F13A1: variants seen among roughly 807,000 people sequenced by gnomAD.
The protein encoded by F13A1 is coagulation factor XIII A chain.
A neutral mutation model predicts 80.1 loss-of-function variants in F13A1; 47 were observed. The ratio of observed to expected loss-of-function variants is 0.59; its 90% CI spans 0.46 to 0.75. The LOEUF (loss-of-function observed/expected upper bound fraction) is 0.75, where lower values mean the gene tolerates loss of function less well. Among genes scored for constraint, F13A1 ranks in the 30% least tolerant of loss-of-function variants. The probability of loss-of-function intolerance (pLI) is 0.00; values close to 1 mark genes in which losing one functional copy is unlikely to be tolerated. For missense variants in F13A1, 817 were observed against 930.4 expected, an observed-to-expected ratio of 0.88 and a Z score of 1.59; for synonymous variants, 349 against 344.9, an observed-to-expected ratio of 1.01 and a Z score of -0.13.
chr6:6,250,289 T>A lies in F13A1; in HGVS notation c.690+522A>T, dbSNP rs1411124340. Among the ~76,000 whole-genome samples the A allele has an allele frequency of 6.6e-6, 1 of 152,196 alleles. No homozygotes were observed. Among genetic ancestry groups the A allele is most frequent in the Non-Finnish European group, 1.5e-5 (1 of 68,040 alleles). ...AACATCTTAAAGAAATGCCATTTGC[T>A]ACTTTGTGTCTAGACAATCAACTTG... On this transcript the variant is annotated intron_variant, in intron 5 of 14. Transcript: ENST00000264870. The surrounding 1 kb of genome is among the most constrained non-coding windows in gnomAD (Gnocchi z 4.2).
intron 3 of F13A1, among the ~76,000 whole-genome samples, chr6:6,273,063 C>T (rs1757943130): frequency 6.6e-6 from 1 of 152,162 alleles, no homozygotes; most frequent in South Asian, 2.1e-4. Flanking sequence ...TCTCACTGCT[C>T]TCTGTGACTC....
chr6:6,169,625 G>A (rs1760737325), intron 12 of F13A1, among the ~76,000 whole-genome samples: 1 of 152,144 alleles, frequency 6.6e-6, no homozygotes, highest in Non-Finnish European at 1.5e-5. Flanking sequence ...ATCCCCAGGG[G>A]ACATTTGGCA....
intron 2 of F13A1, among the ~76,000 whole-genome samples, chr6:6,307,118 T>C (rs1258797198): frequency 6.6e-6 from 1 of 151,844 alleles, no homozygotes; most frequent in Non-Finnish European, 1.5e-5. Context: ...GAAGGCTCAA[T>C]GAGATAACGG....
intron 8 of F13A1, among the ~76,000 whole-genome samples, chr6:6,215,793 C>T (rs9504715): frequency 0.082 from 8,899 of 108,422 alleles, 651 homozygotes; most frequent in East Asian, 0.4. Flanking sequence ...ACTGTCTCAG[C>T]CCAAAAGCTC....
intron 3 of F13A1, among the ~76,000 whole-genome samples, chr6:6,292,254 A>AT (rs1315096337): frequency 6.6e-6 from 1 of 151,976 alleles, no homozygotes; most frequent in African/African-American, 2.4e-5. Context: ...TCCACACTCG[A>AT]TTTTTTCCCT....
chr6:6,206,424 G>T, intron 8 of F13A1: 1 of 467,496 alleles, frequency 2.1e-6, no homozygotes, highest in Non-Finnish European at 4.4e-6. Context: ...TTTCTATGTG[G>T]TTTATTAAAT....
At chr6:6,316,960 G>A (rs546745385) in intron 2 of F13A1, among the ~76,000 whole-genome samples, 2 of 152,280 alleles carry the variant, frequency 1.3e-5, no homozygotes, top group African/African-American at 4.8e-5. Context: ...CCTTTGTAGA[G>A]GTTCCCGTTT....
At chr6:6,211,879 T>A (rs1220181571) in intron 8 of F13A1, among the ~76,000 whole-genome samples, 2 of 152,022 alleles carry the variant, frequency 1.3e-5, no homozygotes, top group African/African-American at 4.8e-5. Flanking sequence ...GCGCAAGGGG[T>A]CAGGGAGTTC....
chr6:6,214,564 A>T (rs1290862320), intron 8 of F13A1, among the ~76,000 whole-genome samples: 1 of 102,868 alleles, frequency 9.7e-6, no homozygotes, highest in East Asian at 2.2e-4. Context: ...CTAAATGCCC[A>T]CAAGAGAAAG....
chr6:6,248,251 C>G, intron 6 of F13A1, 61 bp downstream of exon 6: 1 of 1,296,440 alleles, frequency 7.7e-7, no homozygotes, highest in South Asian at 1.2e-5. Context: ...AATGAACTGG[C>G]ATATATACTG....
At chr6:6,154,814 AT>A (rs1434389497) in intron 13 of F13A1, among the ~76,000 whole-genome samples, 17 of 152,410 alleles carry the variant, frequency 1.1e-4, no homozygotes, top group African/African-American at 4.1e-4. Context: ...AAAATACAAA[AT>A]AAAGATAGCA....
intron 13 of F13A1, among the ~76,000 whole-genome samples, chr6:6,153,124 A>G (rs1760407425): frequency 6.6e-6 from 1 of 152,240 alleles, no homozygotes; most frequent in Admixed American, 6.5e-5. Flanking sequence ...GTAAATATTT[A>G]TTAAATTAAG....
chr6:6,251,199 T>C (rs1304129672), intron 4 of F13A1, among the ~76,000 whole-genome samples: 1 of 152,244 alleles, frequency 6.6e-6, no homozygotes, highest in Non-Finnish European at 1.5e-5. Flanking sequence ...CAGAATTAAA[T>C]TGATATGTCT....
Position 6,250,260 on chromosome 6 carries a change from A to G in F13A1, c.690+551T>C. Among the ~76,000 whole-genome samples the G allele has an allele frequency of 6.6e-6, 1 of 152,210 alleles. No homozygotes were observed. Among genetic ancestry groups the G allele is most frequent in the East Asian group, 1.9e-4 (1 of 5,192 alleles). ...ATACCAAACTGAAATAGTTTGAATG[A>G]CTGAACATCTTAAAGAAATGCCATT... On this transcript the variant is annotated intron_variant, in intron 5 of 14. Transcript: ENST00000264870. The surrounding 1 kb of genome is among the most constrained non-coding windows in gnomAD (Gnocchi z 4.2).
chr6:6,245,544 G>A (rs1757543993), intron 6 of F13A1, among the ~76,000 whole-genome samples: 1 of 152,160 alleles, frequency 6.6e-6, no homozygotes, highest in Admixed American at 6.5e-5. Flanking sequence ...TTCTTATTAT[G>A]ATTGAAAGTT....
chr6:6,314,340 T>C (rs1371472153), intron 2 of F13A1, among the ~76,000 whole-genome samples: 2 of 152,132 alleles, frequency 1.3e-5, no homozygotes, highest in Admixed American at 6.5e-5. Flanking sequence ...AGAATCCTTC[T>C]CAAGTCCCGC....
At chr6:6,307,355 G>T (rs997249898) in intron 2 of F13A1, among the ~76,000 whole-genome samples, 1 of 152,166 alleles carries the variant, frequency 6.6e-6, no homozygotes, top group African/African-American at 2.4e-5. Flanking sequence ...CCATTATGCT[G>T]TGAGCTAAAG....
At chr6:6,290,567 G>C (rs1444242407) in intron 3 of F13A1, among the ~76,000 whole-genome samples, 1 of 152,090 alleles carries the variant, frequency 6.6e-6, no homozygotes. Context: ...TGTGCCTTGG[G>C]CCTCTATGAG....
chr6:6,151,092 G>C (rs1414616289), intron 14 of F13A1, among the ~76,000 whole-genome samples: 1 of 152,194 alleles, frequency 6.6e-6, no homozygotes, highest in Admixed American at 6.5e-5. Flanking sequence ...CCTGACCATG[G>C]AATGGGTTAT....
Sources: allele counts gnomAD v4.1 joint callset (sites outside exome capture counted in the v4.1 genomes callset), GRCh38; gene constraint gnomAD v4.1.1; non-coding constraint Gnocchi (gnomAD v3.1); transcripts MANE v1.5; gene names NCBI Gene and HGNC (gene_info 2026-07-23, HGNC 2026-07-21).